MGAM: variants seen among roughly 807,000 people sequenced by gnomAD.
MGAM encodes maltase-glucoamylase, also known as alpha-1,4-glucosidase.
A neutral mutation model predicts 358.8 loss-of-function variants in MGAM; 253 were observed. That is an observed-to-expected ratio of 0.71 (90% CI 0.64 to 0.78). The LOEUF (loss-of-function observed/expected upper bound fraction) is 0.78. MGAM is among the 30% of genes least tolerant of loss of function. The pLI, the probability that MGAM is intolerant of heterozygous loss-of-function variation, is 0.00. For missense variants in MGAM, 3,080 were observed against 3,432.6 expected (o/e 0.90, Z 2.57); for synonymous variants, 1,105 against 1,227.1 (o/e 0.90, Z 2.08).
intron 70 of MGAM, among the ~76,000 whole-genome samples, chr7:142,104,550 A>G (rs899005990): frequency 6.6e-6 from 1 of 152,222 alleles, no homozygotes; most frequent in Admixed American, 6.5e-5. Flanking sequence ...CTGAGCCACT[A>G]ACACACTTTA....
chr7:142,032,207 T>C (rs1478394641), intron 13 of MGAM, among the ~76,000 whole-genome samples: 1 of 152,030 alleles, frequency 6.6e-6, no homozygotes, highest in Non-Finnish European at 1.5e-5. Context: ...GAACAAACTA[T>C]GCCTGTGGTA....
intron 44 of MGAM, among the ~76,000 whole-genome samples, chr7:142,071,628 T>A (rs1254427155): frequency 6.8e-6 from 1 of 146,270 alleles, no homozygotes; most frequent in Non-Finnish European, 1.5e-5. Context: ...GATGCCTCTA[T>A]CTGCCTTGGC....
At position 142,030,432 on chromosome 7, in the gene MGAM, A is replaced by T; in HGVS notation, c.1292A>T (p.Lys431Ile). 1 of 1,613,594 alleles carries T rather than the reference A, an allele frequency of 6.2e-7. No individual in the cohort carries two copies. Among genetic ancestry groups the T allele is most frequent in the Non-Finnish European group, 8.5e-7 (1 of 1,179,712 alleles). Residue 431 changes from lysine to isoleucine, a missense_variant, in exon 11 of 71, where the codon AAA becomes ATA. Lys to Ile is a moderately radical substitution (Grantham distance 102). Transcript: ENST00000475668. ...TTCACTTATGATTCAGTGGATTTTA[A>T]AGGCTTCCCTGAATTTGTCAACGAG... ...RDFTYDSVDF[K>I]GFPEFVNELH...
intron 4 of MGAM, among the ~76,000 whole-genome samples, chr7:142,020,528 T>G (rs1182811284): frequency 6.6e-6 from 1 of 151,482 alleles, no homozygotes; most frequent in Non-Finnish European, 1.5e-5. Context: ...TATATATCTG[T>G]CTTTTCCCTT....
chr7:142,105,274 C>T (rs1010323648), intron 70 of MGAM, among the ~76,000 whole-genome samples: 11 of 149,694 alleles, frequency 7.3e-5, no homozygotes, highest in Admixed American at 6.1e-4. Flanking sequence ...TGTTTCTCTT[C>T]AGCGGTTGCA....
At chr7:142,098,245 T>C (rs577464372) in intron 66 of MGAM, among the ~76,000 whole-genome samples, 1 of 152,172 alleles carries the variant, frequency 6.6e-6, no homozygotes. Context: ...TGCCGCATAG[T>C]TTCTGTGCTA....
rs369439250 is a variant in MGAM, at chr7:142,095,568, C to A, written c.7462C>A (p.Gln2488Lys). ...RNHNTIGTRR[Q>K]DPVSWDVAFV... ...CACTGTTCTCTTTCTCCTTTAGAGA[C>A]AAGACCCTGTGTCCTGGGATGTTGC... The change falls in exon 64 of 71, where the codon CAA becomes AAA. Residue 2488 changes from glutamine (Q) to lysine (K), a missense_variant. Physicochemically the swap from Gln to Lys is moderately conservative, Grantham distance 53. Coordinates refer to ENST00000475668, the MANE Select transcript of MGAM (RefSeq NM_001365693.1). The A allele has an allele frequency of 1.3e-5, 21 of 1,613,180 alleles. No homozygotes were observed. Among genetic ancestry groups the A allele is most frequent in the Non-Finnish European group, 1.8e-5 (21 of 1,179,732 alleles).
In MGAM at chr7:142,056,115, C is replaced by T. The variant is rs1563173906; in HGVS notation, c.3580+19C>T. ...GCCATGGGTAAGGCCATCAGCACCT[C>T]CCTTATTTTGGGGGGATACCAATCA... On this transcript the variant is annotated intron_variant, in intron 29 of 70. Transcript: ENST00000475668. The T allele has an allele frequency of 1.3e-6, 2 of 1,581,612 alleles. No individual in the cohort carries two copies. Among genetic ancestry groups the T allele is most frequent in the Non-Finnish European group, 1.7e-6 (2 of 1,162,524 alleles).
At chr7:142,078,523 A>G in intron 48 of MGAM, 53 bp downstream of exon 48, 2 of 1,453,172 alleles carry the variant, frequency 1.4e-6, no homozygotes, top group Non-Finnish European at 1.9e-6. Flanking sequence ...CCTAATCTAT[A>G]GTTTCTTAAG....
chr7:142,070,731 G>A (rs1198594701), intron 43 of MGAM, among the ~76,000 whole-genome samples: 1 of 146,248 alleles, frequency 6.8e-6, no homozygotes, highest in African/African-American at 2.4e-5. Flanking sequence ...AGGTGAGAGT[G>A]TAGCAGTTCT....
intron 23 of MGAM, 125 bp downstream of exon 23, chr7:142,050,409 T>A: frequency 8.6e-7 from 1 of 1,156,592 alleles, no homozygotes; most frequent in Non-Finnish European, 1.3e-6. Flanking sequence ...TGGCTATAGG[T>A]GAGTACATTT....
intron 4 of MGAM, 106 bp from the exon 5 acceptor site, chr7:142,020,868 A>C: frequency 1.3e-6 from 1 of 781,852 alleles, no homozygotes; most frequent in South Asian, 1.5e-5. Flanking sequence ...CTGGGATTAC[A>C]GGTGTGAACC....
Position 142,054,800 on chromosome 7 carries a change from A to G in MGAM, c.3206A>G (p.Asn1069Ser). 6.2e-7 allele frequency: 1 copy of G among 1,613,944 alleles called. No homozygotes were observed. Among genetic ancestry groups the G allele is most frequent in the Non-Finnish European group, 8.5e-7 (1 of 1,179,840 alleles). ...KNRYEVPVPL[N>S]IPSMPSSTPE... ...CGGTATGAAGTTCCAGTCCCTCTGA[A>G]CATACCCAGCATGCCATCCAGCACC... The change falls in exon 27 of 71, where the codon AAC becomes AGC. Residue 1069 changes from asparagine (N) to serine (S), a missense_variant. Physicochemically the swap from Asn to Ser is conservative, Grantham distance 46. Transcript: ENST00000475668.
rs769663069 is a variant in MGAM, at chr7:142,097,482, G to C, written c.7693-111G>C. ...CAATAGGTGACCTCCTGGGACATGA[G>C]GCAAGTGGGCCCAAGGCCATCACAA... On this transcript the variant is annotated intron_variant, in intron 65 of 70. Transcript: ENST00000475668. 625 of 1,048,498 alleles carry C rather than the reference G, an allele frequency of 6.0e-4. 1 individual carries two copies. The highest frequency in any genetic ancestry group is 8.4e-4 in the Non-Finnish European group (572 of 683,468). The allele number at this position is 1,048,498 out of a possible 1,614,324, so 64.9% of individuals were successfully genotyped here.
rs566851614 is a variant in MGAM at position 142,031,564 on chromosome 7, T to C, written c.1471-116T>C. On this transcript the variant is annotated intron_variant, in intron 12 of 70. Coordinates refer to ENST00000475668, the MANE Select transcript of MGAM (RefSeq NM_001365693.1). ...CGCACCTTCTTAACTAAAAAGGATATGTTCCTGGGTACCTCGGTTGCTGTG... is the reference window on the plus strand; with the variant it reads ...CGCACCTTCTTAACTAAAAAGGATACGTTCCTGGGTACCTCGGTTGCTGTG... 3.7e-5 allele frequency: 24 copies of C among 645,508 alleles called. No individual in the cohort carries two copies. The African/African-American group carries it at 4.2e-4, about 11-fold the overall frequency. 40.0% of individuals were successfully genotyped at this position (645,508 alleles called of 1,614,324 possible). A position where few individuals can be genotyped will look rare whatever the true frequency, so the allele number is the denominator to read the frequency against.
intron 29 of MGAM, 72 bp from the exon 30 acceptor site, chr7:142,056,758 A>C: frequency 3.5e-6 from 5 of 1,440,732 alleles, no homozygotes; most frequent in Non-Finnish European, 2.9e-6. Flanking sequence ...AAGATGGAGA[A>C]TGTGTGGATT....
intron 57 of MGAM, among the ~76,000 whole-genome samples, chr7:142,088,110 T>C (rs1203039533): frequency 6.8e-6 from 1 of 146,086 alleles, no homozygotes; most frequent in Non-Finnish European, 1.5e-5. Flanking sequence ...ACAGCTCTGA[T>C]AGGGTAGGGA....
At chr7:142,080,357 C>T (rs929536033) in intron 49 of MGAM, among the ~76,000 whole-genome samples, 1 of 146,436 alleles carries the variant, frequency 6.8e-6, no homozygotes, top group Non-Finnish European at 1.5e-5. Flanking sequence ...AGTAGGTACT[C>T]ATGAATCAGT....
intron 24 of MGAM, 73 bp downstream of exon 24, chr7:142,050,937 T>C (rs746808467): frequency 2.9e-5 from 46 of 1,602,214 alleles, no homozygotes; most frequent in Non-Finnish European, 3.6e-5. Flanking sequence ...CTTGCCAAGT[T>C]TGCATGGGTC....
Sources: allele counts gnomAD v4.1 joint callset (sites outside exome capture counted in the v4.1 genomes callset), GRCh38; gene constraint gnomAD v4.1.1; transcripts MANE v1.5; gene names NCBI Gene and HGNC (gene_info 2026-07-23, HGNC 2026-07-21).